Variants in CDK14 observed in about 807,000 individuals in gnomAD.
The protein encoded by CDK14 is cyclin-dependent kinase 14.
In CDK14, 34 loss-of-function variants were observed where a neutral mutation model predicts 60.7. That is an observed-to-expected ratio of 0.56 (90% CI 0.43 to 0.75). The LOEUF is 0.75. Among genes scored for constraint, CDK14 ranks in the 30% least tolerant of loss-of-function variants. The probability of loss-of-function intolerance (pLI) is 0.00; values close to 1 mark genes in which losing one functional copy is unlikely to be tolerated. For missense variants in CDK14, 482 were observed against 564.1 expected (o/e 0.85, Z 1.47); for synonymous variants, 197 against 203.7 (o/e 0.97, Z 0.28).
At chr7:90,693,238 T>C (rs1275170114) in intron 2 of CDK14, among the ~76,000 whole-genome samples, 4 of 152,174 alleles carry the variant, frequency 2.6e-5, no homozygotes, top group Non-Finnish European at 5.9e-5. Context: ...AAAGGTCATT[T>C]TTAAAATTTA....
At chr7:90,711,882 A>C (rs1584811217) in intron 2 of CDK14, among the ~76,000 whole-genome samples, 1 of 110,820 alleles carries the variant, frequency 9.0e-6, no homozygotes, top group Non-Finnish European at 1.8e-5. Flanking sequence ...ATAGTCTACT[A>C]TGTTTTTTTT....
At chr7:90,971,129 C>T (rs976343971) in intron 9 of CDK14, among the ~76,000 whole-genome samples, 4 of 150,114 alleles carry the variant, frequency 2.7e-5, no homozygotes, top group African/African-American at 7.3e-5. Context: ...TTGTTCAGTT[C>T]CCACCTATGA....
chr7:90,977,282 T>C (rs539928293), intron 9 of CDK14, among the ~76,000 whole-genome samples: 1 of 152,236 alleles, frequency 6.6e-6, no homozygotes, highest in South Asian at 2.1e-4. Flanking sequence ...AGCCAATGAC[T>C]GAGACAATGA....
chr7:90,612,510 G>A lies in CDK14; in HGVS notation c.123+8261G>A, dbSNP rs979323347. ...TTATAGGCCAGGCACGGTGGCTCAC[G>A]CCTGTAATCCCAACACTATGGGAGG... is the stretch of plus-strand genomic sequence containing the variant. On this transcript the variant is annotated intron_variant, in intron 2 of 14. Transcript: ENST00000380050. Among the ~76,000 whole-genome samples, 4 of 151,996 alleles carry A rather than the reference G, an allele frequency of 2.6e-5. No homozygotes were observed. The East Asian group carries it at 5.8e-4, about 22-fold the overall frequency.
intron 3 of CDK14, among the ~76,000 whole-genome samples, chr7:90,746,820 G>C (rs1159798375): frequency 1.3e-5 from 2 of 152,112 alleles, no homozygotes; most frequent in African/African-American, 2.4e-5. Flanking sequence ...TTTTGTGGCA[G>C]CTATACCTTA....
intron 4 of CDK14, among the ~76,000 whole-genome samples, chr7:90,778,895 CCTT>C (rs139146582): frequency 0.097 from 11,557 of 118,578 alleles, 630 homozygotes; most frequent in East Asian, 0.32. Context: ...TTCCTTCCTT[CCTT>C]CTTTTCTCTC....
At chr7:91,182,556 T>C (rs56387658) in intron 14 of CDK14, among the ~76,000 whole-genome samples, 1 of 151,750 alleles carries the variant, frequency 6.6e-6, no homozygotes, top group Non-Finnish European at 1.5e-5. Flanking sequence ...ACATAAAATT[T>C]AAAAAAATAG....
At chr7:90,785,316 T>C (rs1429289875) in intron 4 of CDK14, among the ~76,000 whole-genome samples, 1 of 152,204 alleles carries the variant, frequency 6.6e-6, no homozygotes, top group Non-Finnish European at 1.5e-5. Context: ...GCTAAGATAG[T>C]CTATTAATTT....
intron 8 of CDK14, among the ~76,000 whole-genome samples, chr7:90,933,854 ATGT>A (rs1793672418): frequency 6.6e-6 from 1 of 152,242 alleles, no homozygotes; most frequent in Admixed American, 6.5e-5. Flanking sequence ...GTTGATGTTC[ATGT>A]GGACAGCAAA....
intron 2 of CDK14, among the ~76,000 whole-genome samples, chr7:90,642,105 ACG>A (rs1226955060): frequency 1.5e-4 from 23 of 152,206 alleles, no homozygotes; most frequent in African/African-American, 5.5e-4. Flanking sequence ...TTGAGTGGGG[ACG>A]CAGAGCCAAA....
intron 2 of CDK14, among the ~76,000 whole-genome samples, chr7:90,712,760 A>AT (rs1190291069): frequency 6.6e-6 from 1 of 152,114 alleles, no homozygotes; most frequent in Non-Finnish European, 1.5e-5. Context: ...AGCTGAAATA[A>AT]TTGGAAGCTG....
At chr7:91,192,200 A>G (rs1229453442) in intron 14 of CDK14, among the ~76,000 whole-genome samples, 1 of 152,214 alleles carries the variant, frequency 6.6e-6, no homozygotes, top group East Asian at 1.9e-4. Flanking sequence ...CAGAATGCCA[A>G]GCCTCCAGGC....
intron 5 of CDK14, among the ~76,000 whole-genome samples, chr7:90,810,893 G>C (rs1311325595): frequency 6.6e-6 from 1 of 151,868 alleles, no homozygotes; most frequent in African/African-American, 2.4e-5. Flanking sequence ...AAAATATCTA[G>C]GAATCCAACT....
At chr7:90,840,489 T>C (rs1790253672) in intron 5 of CDK14, among the ~76,000 whole-genome samples, 1 of 152,202 alleles carries the variant, frequency 6.6e-6, no homozygotes, top group Admixed American at 6.5e-5. Context: ...CCATTTGATG[T>C]ATTAAGATTT....
At chr7:91,115,110 G>GA (rs1453978743) in intron 13 of CDK14, among the ~76,000 whole-genome samples, 2 of 152,160 alleles carry the variant, frequency 1.3e-5, no homozygotes, top group Admixed American at 6.6e-5. Context: ...AGGAGATTTG[G>GA]AAGGAGATCC....
intron 1 of CDK14, among the ~76,000 whole-genome samples, chr7:90,599,900 G>GT (rs764610543): frequency 6.6e-6 from 1 of 152,202 alleles, no homozygotes; most frequent in Non-Finnish European, 1.5e-5. Flanking sequence ...TCTGGTCAGT[G>GT]TTTATCATTA....
At chr7:91,010,713 T>C (rs1042799552) in intron 10 of CDK14, among the ~76,000 whole-genome samples, 1 of 151,766 alleles carries the variant, frequency 6.6e-6, no homozygotes, top group African/African-American at 2.4e-5. Flanking sequence ...GTAGTCCTTA[T>C]GTTTCTTTTT....
intron 3 of CDK14, among the ~76,000 whole-genome samples, chr7:90,738,001 A>G (rs1254863467): frequency 6.6e-6 from 1 of 152,198 alleles, no homozygotes; most frequent in African/African-American, 2.4e-5. Flanking sequence ...ATACTCATGA[A>G]GTTTATAAAA....
At chr7:90,910,186 C>T (rs182714804) in intron 7 of CDK14, among the ~76,000 whole-genome samples, 14 of 152,132 alleles carry the variant, frequency 9.2e-5, no homozygotes, top group East Asian at 3.9e-4. Context: ...TCTGTATAAC[C>T]GTCTAAGTAT....
Sources: allele counts gnomAD v4.1 joint callset (sites outside exome capture counted in the v4.1 genomes callset), GRCh38; gene constraint gnomAD v4.1.1; transcripts MANE v1.5; gene names NCBI Gene and HGNC (gene_info 2026-07-23, HGNC 2026-07-21).